Variants in KIAA0825 observed in about 807,000 individuals in gnomAD.
KIAA0825 encodes uncharacterized protein KIAA0825.
A neutral mutation model predicts 147.6 loss-of-function variants in KIAA0825; 119 were observed. The ratio of observed to expected loss-of-function variants is 0.81; its 90% CI spans 0.69 to 0.94. The LOEUF (loss-of-function observed/expected upper bound fraction) is 0.94, where lower values mean the gene tolerates loss of function less well. Ranked by LOEUF, KIAA0825 falls within the 40% of genes least tolerant of loss-of-function variation. The probability of loss-of-function intolerance (pLI) is 0.00; values close to 1 mark genes in which losing one functional copy is unlikely to be tolerated. For synonymous variants in KIAA0825, 470 were observed against 518.1 expected (o/e 0.91, Z 1.26); for missense variants, 1,381 against 1,472.7 (o/e 0.94, Z 1.02).
chr5:94,297,349 A>G (rs978442947), intron 20 of KIAA0825, among the ~76,000 whole-genome samples: 3 of 152,226 alleles, frequency 2.0e-5, no homozygotes, highest in Non-Finnish European at 4.4e-5. Context: ...AGCTACTTCA[A>G]TGTCTTCTTC....
At chr5:94,614,981 G>A (rs950505022) in intron 1 of KIAA0825, among the ~76,000 whole-genome samples, 1 of 151,088 alleles carries the variant, frequency 6.6e-6, no homozygotes, top group Non-Finnish European at 1.5e-5. Context: ...CCCACTTAAC[G>A]CTCACAGCAA....
chr5:94,579,780 T>C (rs575093164), intron 2 of KIAA0825, among the ~76,000 whole-genome samples: 1 of 152,318 alleles, frequency 6.6e-6, no homozygotes, highest in East Asian at 1.9e-4. Flanking sequence ...GTTTAAAAAA[T>C]TTTATTTCAA....
chr5:94,494,017 C>A (rs6893281), intron 5 of KIAA0825, among the ~76,000 whole-genome samples: 352 of 152,214 alleles, frequency 2.3e-3, no homozygotes, highest in African/African-American at 8.3e-3. Context: ...GTTTCACATA[C>A]CAAGAGAAAC....
intron 13 of KIAA0825, among the ~76,000 whole-genome samples, chr5:94,447,930 A>C (rs1397567555): frequency 6.6e-6 from 1 of 152,022 alleles, no homozygotes; most frequent in Non-Finnish European, 1.5e-5. Context: ...ACTCACACTG[A>C]TTATACTTCT....
At chr5:94,293,447 C>G (rs1252105759) in intron 20 of KIAA0825, among the ~76,000 whole-genome samples, 2 of 152,188 alleles carry the variant, frequency 1.3e-5, no homozygotes, top group Non-Finnish European at 2.9e-5. Flanking sequence ...ATCCTGAGTT[C>G]TAATTTGATT....
intron 20 of KIAA0825, among the ~76,000 whole-genome samples, chr5:94,267,888 C>T (rs1776804935): frequency 6.6e-6 from 1 of 152,032 alleles, no homozygotes; most frequent in Non-Finnish European, 1.5e-5. Flanking sequence ...TTCATTAGGA[C>T]CCACAATTAG....
intron 14 of KIAA0825, among the ~76,000 whole-genome samples, chr5:94,435,722 A>C (rs1756276017): frequency 6.6e-6 from 1 of 152,144 alleles, no homozygotes. Flanking sequence ...TGGTTGAACT[A>C]ATTTATGCTT....
At chr5:94,521,052 T>C (rs1768091960) in intron 4 of KIAA0825, 135 bp from the exon 5 acceptor site, 1 of 818,870 alleles carries the variant, frequency 1.2e-6, no homozygotes, top group Admixed American at 3.0e-5. Flanking sequence ...TTTTTTGCAT[T>C]TGAAATTTAA....
intron 11 of KIAA0825, among the ~76,000 whole-genome samples, chr5:94,463,904 C>T (rs1035505475): frequency 4.0e-5 from 6 of 151,354 alleles, no homozygotes; most frequent in Non-Finnish European, 8.9e-5. Context: ...AGGAATTTTC[C>T]GTCTATTCTT....
At chr5:94,549,438 G>A (rs559562798) in intron 2 of KIAA0825, among the ~76,000 whole-genome samples, 5 of 152,302 alleles carry the variant, frequency 3.3e-5, no homozygotes, top group Non-Finnish European at 2.9e-5. Context: ...GGGAGCTGGC[G>A]CGGTGGCTCA....
intron 15 of KIAA0825, among the ~76,000 whole-genome samples, chr5:94,406,416 T>C (rs1195063999): frequency 6.6e-6 from 1 of 152,234 alleles, no homozygotes; most frequent in Non-Finnish European, 1.5e-5. Context: ...TCTCTGGCTT[T>C]AGATCCAAAT....
intron 14 of KIAA0825, among the ~76,000 whole-genome samples, chr5:94,437,362 C>A (rs1369104075): frequency 6.6e-6 from 1 of 152,158 alleles, no homozygotes; most frequent in Non-Finnish European, 1.5e-5. Context: ...GTCACTTTAT[C>A]CTTATGGTAT....
intron 20 of KIAA0825, among the ~76,000 whole-genome samples, chr5:94,238,036 G>T (rs1473679270): frequency 6.6e-6 from 1 of 152,156 alleles, no homozygotes; most frequent in Non-Finnish European, 1.5e-5. Flanking sequence ...ATGACATGCA[G>T]ATTTCTCAGA....
At chr5:94,477,243 A>G (rs757490097) in intron 6 of KIAA0825, 38 bp from the exon 7 acceptor site, 6 of 1,310,398 alleles carry the variant, frequency 4.6e-6, no homozygotes, top group South Asian at 1.3e-5. Flanking sequence ...ACTAATATAT[A>G]TTGTTTAAAA....
At chr5:94,283,542 T>G (rs1777548508) in intron 20 of KIAA0825, among the ~76,000 whole-genome samples, 2 of 152,058 alleles carry the variant, frequency 1.3e-5, no homozygotes, top group African/African-American at 4.8e-5. Context: ...GCAAAATCCT[T>G]AAATACTTTA....
chr5:94,443,244 G>C (rs1047816394), intron 13 of KIAA0825, among the ~76,000 whole-genome samples: 2 of 151,940 alleles, frequency 1.3e-5, no homozygotes, highest in African/African-American at 4.8e-5. Context: ...TCTGTGTTGG[G>C]CATATGGAGA....
At chr5:94,463,536 CTAGA>C (rs1438394210) in intron 11 of KIAA0825, among the ~76,000 whole-genome samples, 1 of 151,082 alleles carries the variant, frequency 6.6e-6, no homozygotes, top group Non-Finnish European at 1.5e-5. Flanking sequence ...TTCCTAATTG[CTAGA>C]TAAACAATTT....
At chr5:94,403,286 T>A (rs913641185) in intron 16 of KIAA0825, among the ~76,000 whole-genome samples, 1 of 152,128 alleles carries the variant, frequency 6.6e-6, no homozygotes, top group Non-Finnish European at 1.5e-5. Flanking sequence ...TTAGTCAAAA[T>A]CATGTCACCA....
chr5:94,402,366 C>T (rs1057029171), intron 16 of KIAA0825, among the ~76,000 whole-genome samples: 4 of 152,032 alleles, frequency 2.6e-5, no homozygotes, highest in South Asian at 2.1e-4. Flanking sequence ...TTGCTCAAAA[C>T]ATATCAAATA....
Sources: allele counts gnomAD v4.1 joint callset (sites outside exome capture counted in the v4.1 genomes callset), GRCh38; gene constraint gnomAD v4.1.1; transcripts MANE v1.5; gene names NCBI Gene and HGNC (gene_info 2026-07-23, HGNC 2026-07-21).